The following FUT8 variants were observed in gnomAD, a reference collection of about 807,000 sequenced individuals.
The protein encoded by FUT8 is fucosyltransferase 8.
In FUT8, 29 loss-of-function variants were observed where a neutral mutation model predicts 71.3. The observed-to-expected ratio is 0.41, with a 90% CI of 0.30 to 0.55. FUT8 has a LOEUF of 0.55. Among genes scored for constraint, FUT8 ranks in the 20% least tolerant of loss-of-function variants. The pLI is 0.34. For synonymous variants in FUT8, 254 were observed against 239.3 expected (o/e 1.06, Z -0.57); for missense variants, 544 against 702.1 (o/e 0.77, Z 2.55).
chr14:65,369,757 G>A, the FUT8 span, among the ~76,000 whole-genome samples: 14 of 152,166 alleles, frequency 9.2e-5, no homozygotes, highest in Admixed American at 3.9e-4. The surrounding 1 kb of genome is among the most constrained non-coding windows in gnomAD (Gnocchi z 4.6). Flanking sequence ...TCCAGGAAGT[G>A]CCCACTCCTT....
intron 2 of FUT8, among the ~76,000 whole-genome samples, chr14:65,476,816 C>T (rs1185652267): frequency 1.3e-5 from 2 of 151,978 alleles, no homozygotes. Flanking sequence ...GATCTTGGAA[C>T]CTTACTCATT....
In FUT8 at chr14:65,742,901, G is replaced by A. The variant is rs1014975567; in HGVS notation, c.*491G>A. ...AGTCAACAGATTCAGAATGAGAATG[G>A]ACGTTTGGTTTTTTTTTGTTTTTGT... On this transcript the variant is annotated 3_prime_UTR_variant, in exon 11 of 11. Transcript: ENST00000673929. The A allele has an allele frequency of 2.0e-4, 30 of 152,368 alleles. No homozygotes were observed. The highest frequency in any genetic ancestry group is 7.0e-4 in the African/African-American group (29 of 41,294). 9.4% of individuals were successfully genotyped at this position (152,368 alleles called of 1,614,324 possible).
chr14:65,596,155 G>T (rs940200425), intron 3 of FUT8, among the ~76,000 whole-genome samples: 18 of 152,086 alleles, frequency 1.2e-4, no homozygotes, highest in South Asian at 4.1e-4. Flanking sequence ...GCTCTGTGGG[G>T]TTTTTTTACC....
At chr14:65,664,971 G>GA (rs11458506) in intron 6 of FUT8, among the ~76,000 whole-genome samples, 78,251 of 149,622 alleles carry the variant, frequency 0.52, 22,270 homozygotes, top group East Asian at 0.65. Flanking sequence ...CTTTAGAATG[G>GA]AAAAAAAAAA....
chr14:65,604,388 A>G (rs1888460430), intron 3 of FUT8, among the ~76,000 whole-genome samples: 1 of 151,910 alleles, frequency 6.6e-6, no homozygotes, highest in Non-Finnish European at 1.5e-5. Flanking sequence ...GAAAACTGAA[A>G]TTATATCAAG....
chr14:65,590,156 T>TAA (rs1250021999), intron 3 of FUT8, among the ~76,000 whole-genome samples: 1 of 152,202 alleles, frequency 6.6e-6, no homozygotes, highest in Non-Finnish European at 1.5e-5. Flanking sequence ...CCTTATAAGT[T>TAA]AACATTTTTT....
intron 6 of FUT8, among the ~76,000 whole-genome samples, chr14:65,650,707 CAAAAAAA>C (rs57971519): frequency 8.4e-6 from 1 of 118,974 alleles, no homozygotes; most frequent in Admixed American, 8.5e-5. Flanking sequence ...CTGCTAATTA[CAAAAAAA>C]AAAAAAAAAA....
intron 2 of FUT8, among the ~76,000 whole-genome samples, chr14:65,458,736 C>G (rs1458919519): frequency 6.6e-6 from 1 of 151,026 alleles, no homozygotes; most frequent in Non-Finnish European, 1.5e-5. Flanking sequence ...GTATTGTGTT[C>G]TCAGAAAACA....
intron 6 of FUT8, among the ~76,000 whole-genome samples, chr14:65,649,937 A>G (rs746463822): frequency 5.9e-5 from 9 of 152,186 alleles, no homozygotes; most frequent in Admixed American, 2.6e-4. Context: ...TTAGGCTTCT[A>G]TTTCTGGATA....
chr14:65,407,582 A>G (rs1477387300), upstream of FUT8, among the ~76,000 whole-genome samples: 1 of 152,232 alleles, frequency 6.6e-6, no homozygotes, highest in Non-Finnish European at 1.5e-5. Context: ...AGGTGAAGGT[A>G]TGAGCCATAA....
intron 7 of FUT8, among the ~76,000 whole-genome samples, chr14:65,705,131 T>G (rs886824233): frequency 6.6e-6 from 1 of 152,166 alleles, no homozygotes; most frequent in African/African-American, 2.4e-5. Flanking sequence ...GTAATAATAG[T>G]CTTTCAAGTT....
Position 65,660,365 on chromosome 14 carries a change from G to T in FUT8, c.598-8878G>T, listed in dbSNP as rs569235862. Among the ~76,000 whole-genome samples the T allele has an allele frequency of 1.3e-5, 2 of 152,236 alleles. No homozygotes were observed. Among genetic ancestry groups the T allele is most frequent in the South Asian group, 4.1e-4 (2 of 4,820 alleles). ...TAAAGCATTTAATAGAGACTTTCAG[G>T]TAAAGAGCAAAAGTTTTTAAAATGT... On this transcript the variant is annotated intron_variant, in intron 6 of 10. Transcript: ENST00000673929. This position sits in a 1 kb window ranked among gnomAD's most constrained non-coding sequence, Gnocchi z 4.1.
At chr14:65,529,048 AT>A in intron 2 of FUT8, 1 of 161,846 alleles carries the variant, frequency 6.2e-6, no homozygotes. Context: ...TGTCTGAGGT[AT>A]TTATTCACTT....
At chr14:65,617,291 A>G (rs546396801) in intron 5 of FUT8, 38 of 1,271,072 alleles carry the variant, frequency 3.0e-5, no homozygotes, top group South Asian at 5.4e-5. Flanking sequence ...AAATCTGTCT[A>G]TTGGAATCAT....
At chr14:65,486,340 A>C (rs2066409384) in intron 2 of FUT8, among the ~76,000 whole-genome samples, 1 of 152,264 alleles carries the variant, frequency 6.6e-6, no homozygotes, top group African/African-American at 2.4e-5. Flanking sequence ...AAGAATACAG[A>C]AAAATACTTA....
intron 6 of FUT8, among the ~76,000 whole-genome samples, chr14:65,637,747 A>G (rs945668544): frequency 2.0e-5 from 3 of 152,086 alleles, no homozygotes; most frequent in African/African-American, 4.8e-5. Flanking sequence ...TTCTTAAGCA[A>G]AAGGAAAGGT....
At chr14:65,609,676 A>G (rs1888777326) in intron 3 of FUT8, among the ~76,000 whole-genome samples, 1 of 151,882 alleles carries the variant, frequency 6.6e-6, no homozygotes, top group South Asian at 2.1e-4. Context: ...AGGTCTTTAA[A>G]AACTTTTTTT....
intron 7 of FUT8, among the ~76,000 whole-genome samples, chr14:65,691,985 T>C (rs1893629055): frequency 6.6e-6 from 1 of 151,786 alleles, no homozygotes; most frequent in African/African-American, 2.4e-5. Context: ...AAATGAAAAG[T>C]CTCCCATGTC....
chr14:65,597,891 A>T (rs1378126277), intron 3 of FUT8, among the ~76,000 whole-genome samples: 1 of 151,340 alleles, frequency 6.6e-6, no homozygotes. Context: ...GCTGTTGGCC[A>T]GGCGTGGTGG....
Sources: allele counts gnomAD v4.1 joint callset (sites outside exome capture counted in the v4.1 genomes callset), GRCh38; gene constraint gnomAD v4.1.1; non-coding constraint Gnocchi (gnomAD v3.1); transcripts MANE v1.5; gene names NCBI Gene and HGNC (gene_info 2026-07-23, HGNC 2026-07-21).